The following PDE1C variants were observed in gnomAD, a reference collection of about 807,000 sequenced individuals.
PDE1C encodes phosphodiesterase 1C, also known as dual specificity calcium/calmodulin-dependent 3',5'-cyclic nucleotide phosphodiesterase 1C.
PDE1C carries 62 observed loss-of-function variants against 93.1 expected under a neutral mutation model. The observed-to-expected ratio is 0.67, with a 90% CI of 0.54 to 0.82. The LOEUF is 0.82. Among genes scored for constraint, PDE1C ranks in the 40% least tolerant of loss-of-function variants. The pLI is 0.00. For synonymous variants in PDE1C, 325 were observed against 310.1 expected, an observed-to-expected ratio of 1.05 and a Z score of -0.50; for missense variants, 742 against 884.6, an observed-to-expected ratio of 0.84 and a Z score of 2.04.
intron 2 of PDE1C, among the ~76,000 whole-genome samples, chr7:32,205,618 G>T (rs73106510): frequency 6.6e-6 from 1 of 151,964 alleles, no homozygotes. Flanking sequence ...CAGCCAACCC[G>T]TTTGGGTCTG....
At chr7:31,824,046 A>G (rs1789335598) in intron 13 of PDE1C, among the ~76,000 whole-genome samples, 1 of 152,042 alleles carries the variant, frequency 6.6e-6, no homozygotes, top group South Asian at 2.1e-4. Context: ...CATCTGGAGC[A>G]TCCCTGGGGT....
At chr7:32,059,238 G>C (rs1794502079) in intron 1 of PDE1C, among the ~76,000 whole-genome samples, 2 of 152,166 alleles carry the variant, frequency 1.3e-5, no homozygotes, top group Non-Finnish European at 2.9e-5. Context: ...TTGGGGGTGG[G>C]GATGGTGACC....
At chr7:31,916,484 C>T (rs1230996311) in intron 2 of PDE1C, among the ~76,000 whole-genome samples, 1 of 152,178 alleles carries the variant, frequency 6.6e-6, no homozygotes, top group Non-Finnish European at 1.5e-5. Context: ...CAGTCATAAG[C>T]CCATGCTGCT....
intron 2 of PDE1C, among the ~76,000 whole-genome samples, chr7:31,945,951 T>C (rs1407080843): frequency 6.6e-6 from 1 of 152,212 alleles, no homozygotes; most frequent in Admixed American, 6.5e-5. Flanking sequence ...GGATAGTTGA[T>C]TTCACTTTGA....
chr7:31,639,382 T>C, the PDE1C span, among the ~76,000 whole-genome samples: 1 of 134,050 alleles, frequency 7.5e-6, no homozygotes, highest in Middle Eastern at 3.4e-3. Flanking sequence ...GCTATATATA[T>C]CCAGTATAAA....
intron 2 of PDE1C, among the ~76,000 whole-genome samples, chr7:31,956,966 C>A (rs1808234920): frequency 6.6e-6 from 1 of 151,828 alleles, no homozygotes; most frequent in Non-Finnish European, 1.5e-5. Context: ...CCTAATAAGG[C>A]TGCCTCATTT....
intron 3 of PDE1C, among the ~76,000 whole-genome samples, chr7:32,106,289 C>G (rs1798307000): frequency 6.6e-6 from 1 of 152,176 alleles, no homozygotes; most frequent in Non-Finnish European, 1.5e-5. Flanking sequence ...GATTACAATA[C>G]TGCCTCAGCC....
At chr7:32,313,751 C>G (rs1263935923) in intron 1 of PDE1C, among the ~76,000 whole-genome samples, 2 of 96,352 alleles carry the variant, frequency 2.1e-5, no homozygotes, top group Non-Finnish European at 4.0e-5. Flanking sequence ...TGGGGACTGT[C>G]ATGAGGTGGG....
intron 1 of PDE1C, among the ~76,000 whole-genome samples, chr7:32,273,070 T>TA (rs1811066282): frequency 6.6e-6 from 1 of 152,162 alleles, no homozygotes; most frequent in South Asian, 2.1e-4. Flanking sequence ...TTCAGGTTGT[T>TA]AAAGAAGTGC....
At chr7:31,961,440 A>G (rs560018637) in intron 2 of PDE1C, among the ~76,000 whole-genome samples, 1 of 152,274 alleles carries the variant, frequency 6.6e-6, no homozygotes, top group African/African-American at 2.4e-5. Flanking sequence ...GTCTAAATGC[A>G]TATTTCATAT....
chr7:31,621,556 T>C, the PDE1C span, among the ~76,000 whole-genome samples: 1 of 147,636 alleles, frequency 6.8e-6, no homozygotes, highest in South Asian at 2.2e-4. Flanking sequence ...AAGCAAATGC[T>C]GAGAGATTTT....
intron 2 of PDE1C, among the ~76,000 whole-genome samples, chr7:32,175,548 T>C (rs1039938628): frequency 9.2e-5 from 14 of 152,296 alleles, no homozygotes; most frequent in Middle Eastern, 3.4e-3. Context: ...GGGGTAGCTG[T>C]GACAGTTTCT....
chr7:31,676,235 A>G, the PDE1C span, among the ~76,000 whole-genome samples: 4 of 152,186 alleles, frequency 2.6e-5, no homozygotes, highest in African/African-American at 9.7e-5. Flanking sequence ...TACCCAGCAC[A>G]GTCCTAAATC....
rs1554335933 is a variant in PDE1C, at chr7:31,794,037, T to TAGACAGACAGAC, written c.1891+14993_1891+14994insGTCTGTCTGTCT. 1.1e-4 allele frequency among the ~76,000 whole-genome samples: 12 copies of TAGACAGACAGAC among 105,846 alleles called. No individual in the cohort carries two copies. The East Asian group carries it at 1.2e-3, about 11-fold the overall frequency. 69.4% of individuals were successfully genotyped at this position (105,846 alleles called of 152,430 possible). A position where few individuals can be genotyped will look rare whatever the true frequency, so the allele number is the denominator to read the frequency against. On this transcript the variant is annotated intron_variant, in intron 16 of 17. Transcript: ENST00000396191. ...ATAGATAGATAGATAGATAGATAGA[T>TAGACAGACAGAC]AGATAGACAGACAGACAGACAGACA...
chr7:31,782,409 C>G (rs1040983365), intron 16 of PDE1C, among the ~76,000 whole-genome samples: 2 of 152,132 alleles, frequency 1.3e-5, no homozygotes, highest in African/African-American at 4.8e-5. Context: ...ACTGTCGATA[C>G]TTTCCAAATT....
At chr7:31,623,532 AG>A in the PDE1C span, among the ~76,000 whole-genome samples, 862 of 151,970 alleles carry the variant, frequency 5.7e-3, 8 homozygotes, top group African/African-American at 0.019. Flanking sequence ...GATGCAGAAA[AG>A]GCCTTTGACA....
intron 1 of PDE1C, chr7:32,427,763 C>T (rs1160511773): frequency 6.6e-6 from 1 of 152,222 alleles, no homozygotes. Context: ...TCTCTTTTCC[C>T]CCAGAAAGTC....
intron 2 of PDE1C, among the ~76,000 whole-genome samples, chr7:32,187,385 C>A (rs1163562193): frequency 6.6e-6 from 1 of 152,222 alleles, no homozygotes; most frequent in East Asian, 1.9e-4. Context: ...TGTCCACTTA[C>A]TCCTATGTGT....
chr7:32,023,395 CT>C (rs1368129462), intron 2 of PDE1C, among the ~76,000 whole-genome samples: 2 of 152,136 alleles, frequency 1.3e-5, no homozygotes, highest in East Asian at 1.9e-4. Flanking sequence ...AATCTGATGA[CT>C]TTTTTTCATA....
Sources: allele counts gnomAD v4.1 joint callset (sites outside exome capture counted in the v4.1 genomes callset), GRCh38; gene constraint gnomAD v4.1.1; transcripts MANE v1.5; gene names NCBI Gene and HGNC (gene_info 2026-07-23, HGNC 2026-07-21).